The following ATP8B4 variants were observed in gnomAD, a reference collection of about 807,000 sequenced individuals.
ATP8B4 encodes probable phospholipid-transporting ATPase IM.
In ATP8B4, 133 loss-of-function variants were observed where a neutral mutation model predicts 145.6. That is an observed-to-expected ratio of 0.91 (90% CI 0.79 to 1.05). The LOEUF (loss-of-function observed/expected upper bound fraction) is 1.05, where lower values mean the gene tolerates loss of function less well. ATP8B4 is among the 50% of genes least tolerant of loss of function. ATP8B4 has a pLI of 0.00. For missense variants in ATP8B4, 1,458 were observed against 1,425.2 expected (o/e 1.02, Z -0.37); for synonymous variants, 507 against 492.9 (o/e 1.03, Z -0.38).
intron 12 of ATP8B4, among the ~76,000 whole-genome samples, chr15:49,978,825 T>TGG: frequency 6.6e-6 from 1 of 150,516 alleles, no homozygotes; most frequent in African/African-American, 2.4e-5. Flanking sequence ...GGTGTGTGTG[T>TGG]GTGTGTGTGT....
intron 1 of ATP8B4, among the ~76,000 whole-genome samples, chr15:50,124,697 G>A (rs1245028000): frequency 6.6e-6 from 1 of 152,128 alleles, no homozygotes; most frequent in African/African-American, 2.4e-5. Context: ...TCCCTCAAGG[G>A]CTCTCCTGAA....
chr15:50,094,563 C>G (rs963215769), intron 2 of ATP8B4, among the ~76,000 whole-genome samples: 23 of 147,968 alleles, frequency 1.6e-4, no homozygotes, highest in African/African-American at 5.4e-4. Flanking sequence ...CACCTATATA[C>G]AAATATAGGT....
intron 17 of ATP8B4, chr15:49,922,262 C>A: frequency 5.2e-6 from 1 of 193,410 alleles, no homozygotes; most frequent in Non-Finnish European, 1.1e-5. Context: ...GTAAAAAGAC[C>A]AAATTAGGTT....
At chr15:50,085,902 CATAT>C (rs1158486289) in intron 2 of ATP8B4, among the ~76,000 whole-genome samples, 4 of 65,218 alleles carry the variant, frequency 6.1e-5, no homozygotes, top group Non-Finnish European at 6.8e-5. Flanking sequence ...TGATATATAT[CATAT>C]ATATTTATAT....
At chr15:49,866,548 G>T in intron 25 of ATP8B4, 64 bp from the exon 26 acceptor site, 1 of 1,574,658 alleles carries the variant, frequency 6.4e-7, no homozygotes. Context: ...ATTTTACCTC[G>T]TGATGTTTCG....
At chr15:49,960,964 C>G (rs145115334) in intron 14 of ATP8B4, among the ~76,000 whole-genome samples, 2,011 of 152,162 alleles carry the variant, frequency 0.013, 25 homozygotes, top group Non-Finnish European at 0.019. Flanking sequence ...AACCTGGTCT[C>G]TACTAAAAAA....
intron 9 of ATP8B4, among the ~76,000 whole-genome samples, chr15:49,993,671 A>G (rs2047206876): frequency 6.6e-6 from 1 of 152,120 alleles, no homozygotes; most frequent in South Asian, 2.1e-4. Flanking sequence ...ACAGGAAATT[A>G]TATTTTTACT....
At chr15:49,868,927 T>G (rs565763274) in intron 25 of ATP8B4, among the ~76,000 whole-genome samples, 86 of 152,274 alleles carry the variant, frequency 5.6e-4, no homozygotes, top group Admixed American at 9.2e-4. Context: ...ATGGGATTTT[T>G]TTGTTGTTGT....
At chr15:49,969,415 A>G (rs558150701) in intron 13 of ATP8B4, among the ~76,000 whole-genome samples, 11 of 152,180 alleles carry the variant, frequency 7.2e-5, no homozygotes, top group Non-Finnish European at 1.6e-4. Flanking sequence ...AGAATCAAAT[A>G]GACACAATAA....
At chr15:50,080,288 C>T (rs1010680284) in intron 2 of ATP8B4, among the ~76,000 whole-genome samples, 6 of 152,086 alleles carry the variant, frequency 3.9e-5, no homozygotes, top group African/African-American at 1.4e-4. Flanking sequence ...AATGAGAATA[C>T]CTCATTTATT....
intron 3 of ATP8B4, among the ~76,000 whole-genome samples, chr15:50,058,887 G>A (rs2052802457): frequency 6.6e-6 from 1 of 151,258 alleles, no homozygotes; most frequent in Non-Finnish European, 1.5e-5. Context: ...TAGAGGTGTT[G>A]AGAGGGAGAG....
intron 1 of ATP8B4, among the ~76,000 whole-genome samples, chr15:50,131,787 A>C (rs1353469195): frequency 6.7e-6 from 1 of 148,954 alleles, no homozygotes; most frequent in Non-Finnish European, 1.5e-5. Flanking sequence ...AAATATAAAT[A>C]TTTTAATACT....
intron 14 of ATP8B4, among the ~76,000 whole-genome samples, chr15:49,946,157 A>G (rs545589700): frequency 2.4e-4 from 37 of 152,330 alleles, no homozygotes; most frequent in African/African-American, 8.4e-4. Flanking sequence ...AAGACAAAAA[A>G]TTTTAAAAAG....
chr15:50,071,586 G>C (rs1403246713), intron 3 of ATP8B4, among the ~76,000 whole-genome samples: 1 of 152,178 alleles, frequency 6.6e-6, no homozygotes, highest in South Asian at 2.1e-4. Flanking sequence ...TCTGATTTGG[G>C]ACTTGATGGT....
intron 23 of ATP8B4, among the ~76,000 whole-genome samples, chr15:49,885,076 A>G (rs537497560): frequency 6.6e-6 from 1 of 152,350 alleles, no homozygotes; most frequent in East Asian, 1.9e-4. Context: ...GAATGAATCC[A>G]GACTCCCTAT....
chr15:50,053,316 A>C (rs2052337324), intron 3 of ATP8B4, among the ~76,000 whole-genome samples: 1 of 152,158 alleles, frequency 6.6e-6, no homozygotes, highest in Non-Finnish European at 1.5e-5. Flanking sequence ...CAGGATTTGG[A>C]TCTAGCAATA....
At chr15:49,860,515 A>G in intron 27 of ATP8B4, 40 bp from the exon 28 acceptor site, 1 of 1,554,164 alleles carries the variant, frequency 6.4e-7, no homozygotes, top group Non-Finnish European at 8.7e-7. Flanking sequence ...ATGCATCCAA[A>G]TGATAGACTC....
At chr15:50,067,958 C>A (rs1482759063) in intron 3 of ATP8B4, among the ~76,000 whole-genome samples, 2 of 152,036 alleles carry the variant, frequency 1.3e-5, no homozygotes, top group Admixed American at 6.6e-5. Context: ...ATTTTTATTT[C>A]TATTAAAGAA....
At chr15:50,108,755 G>A (rs772762190) in intron 1 of ATP8B4, among the ~76,000 whole-genome samples, 1 of 152,092 alleles carries the variant, frequency 6.6e-6, no homozygotes, top group Non-Finnish European at 1.5e-5. Flanking sequence ...CGTAGAACCT[G>A]GCACTGCCCA....
Sources: allele counts gnomAD v4.1 joint callset (sites outside exome capture counted in the v4.1 genomes callset), GRCh38; gene constraint gnomAD v4.1.1; transcripts MANE v1.5; gene names NCBI Gene and HGNC (gene_info 2026-07-23, HGNC 2026-07-21).